Variants in ADAM7 observed in about 807,000 individuals in gnomAD.
The protein encoded by ADAM7 is ADAM metallopeptidase domain 7.
Under a neutral mutation model 102.9 loss-of-function variants are expected in ADAM7, and 97 were observed. The observed-to-expected ratio is 0.94, with a 90% CI of 0.80 to 1.12. ADAM7 has a LOEUF of 1.12. Among genes scored for constraint, ADAM7 ranks in the 50% most tolerant of loss-of-function variants. ADAM7 has a pLI of 0.00. For missense variants in ADAM7, 991 were observed against 908.7 expected (o/e 1.09, Z -1.16); for synonymous variants, 334 against 304.4 (o/e 1.10, Z -1.01).
At position 24,464,847 on chromosome 8, in the gene ADAM7, C is replaced by T. The variant is rs1192679173; in HGVS notation, c.313-852C>T. Among the ~76,000 whole-genome samples, 2 of 115,528 alleles carry T rather than the reference C, an allele frequency of 1.7e-5. 1 individual carries two copies. Among genetic ancestry groups the T allele is most frequent in the Non-Finnish European group, 3.7e-5 (2 of 53,710 alleles). The allele number at this position is 115,528 out of a possible 152,430, so 75.8% of individuals were successfully genotyped here. On this transcript the variant is annotated intron_variant, in intron 4 of 21. Transcript: ENST00000175238. ...ATCTCTCCAGGCTGGAGCGCAGCGG[C>T]ACAATCTCAGCTCACTGCAACCTCC...
chr8:24,477,024 T>C lies in ADAM7; in HGVS notation c.705+520T>C, dbSNP rs147807490. Among the ~76,000 whole-genome samples the C allele has an allele frequency of 4.4e-4, 67 of 152,244 alleles. No homozygotes were observed. In the East Asian group the frequency reaches 0.013, roughly 29 times the overall value. ...CTCATTCTAAGACACCTCAGCCCTA[T>C]TACTAGGATAAAGAGACCCCATAAG... On this transcript the variant is annotated intron_variant, in intron 8 of 21. Coordinates refer to ENST00000175238, the MANE Select transcript of ADAM7 (RefSeq NM_003817.4).
At chr8:24,479,445 A>G (rs1585895062) in intron 8 of ADAM7, among the ~76,000 whole-genome samples, 1 of 152,126 alleles carries the variant, frequency 6.6e-6, no homozygotes, top group East Asian at 1.9e-4. Flanking sequence ...AAAATTTACT[A>G]TAGCTCCCTT....
At chr8:24,447,138 C>T in intron 2 of ADAM7, 48 bp from the exon 3 acceptor site, 1 of 1,134,536 alleles carries the variant, frequency 8.8e-7, no homozygotes, top group Non-Finnish European at 1.3e-6. Context: ...CTCCAGAACA[C>T]ACTAAATGAG....
chr8:24,502,880 T>C (rs1347793788), intron 20 of ADAM7, among the ~76,000 whole-genome samples: 1 of 150,764 alleles, frequency 6.6e-6, no homozygotes, highest in Non-Finnish European at 1.5e-5. Context: ...ATGAGGCCAA[T>C]ATTTCTCTGA....
At chr8:24,443,527 C>T (rs558742107) in intron 2 of ADAM7, among the ~76,000 whole-genome samples, 1 of 152,334 alleles carries the variant, frequency 6.6e-6, no homozygotes, top group African/African-American at 2.4e-5. Context: ...TTTGTCTTGG[C>T]TGAAGATTGG....
At chr8:24,442,033 G>C (rs1357201608) in intron 1 of ADAM7, among the ~76,000 whole-genome samples, 1 of 152,086 alleles carries the variant, frequency 6.6e-6, no homozygotes, top group Non-Finnish European at 1.5e-5. Flanking sequence ...AATTAGCCAG[G>C]CATGGTGGTG....
chr8:24,498,150 A>G (rs1176970913), intron 16 of ADAM7, among the ~76,000 whole-genome samples: 2 of 151,958 alleles, frequency 1.3e-5, no homozygotes, highest in Non-Finnish European at 2.9e-5. Flanking sequence ...AATGATTGCA[A>G]GCAACAAACT....
intron 4 of ADAM7, among the ~76,000 whole-genome samples, chr8:24,465,042 C>T (rs1057118422): frequency 1.3e-5 from 2 of 152,196 alleles, no homozygotes; most frequent in Non-Finnish European, 2.9e-5. Context: ...GCCTTGGCCT[C>T]CCAAAGTGCT....
chr8:24,448,174 G>C (rs1228124422), intron 3 of ADAM7, among the ~76,000 whole-genome samples: 1 of 152,094 alleles, frequency 6.6e-6, no homozygotes, highest in Non-Finnish European at 1.5e-5. Flanking sequence ...ATGTATATGA[G>C]ACAGATATTG....
intron 3 of ADAM7, among the ~76,000 whole-genome samples, chr8:24,450,149 A>G (rs2129374710): frequency 6.6e-6 from 1 of 152,166 alleles, no homozygotes; most frequent in Non-Finnish European, 1.5e-5. Flanking sequence ...TTTTGGTTCC[A>G]TATCAACTTT....
rs1386663569 is a variant in ADAM7 at position 24,459,492 on chromosome 8, T to C, written c.234-4390T>C. 2.0e-5 allele frequency among the ~76,000 whole-genome samples: 3 copies of C among 152,104 alleles called. 1 individual carries two copies. ...TTGTTTTTGAGACAGAGTCCTACTG[T>C]ATTTCCCAGGCTGGAGTGCAGTGGT... On this transcript the variant is annotated intron_variant, in intron 3 of 21. Coordinates refer to ENST00000175238, the MANE Select transcript of ADAM7 (RefSeq NM_003817.4).
At chr8:24,505,692 T>C (rs1447550114) in intron 20 of ADAM7, among the ~76,000 whole-genome samples, 3 of 152,120 alleles carry the variant, frequency 2.0e-5, no homozygotes, top group East Asian at 1.9e-4. Context: ...CCTGCTTCCA[T>C]TGGACCATGC....
At chr8:24,492,248 C>A in intron 14 of ADAM7, 150 bp downstream of exon 14, 1 of 801,960 alleles carries the variant, frequency 1.2e-6, no homozygotes, top group Non-Finnish European at 1.9e-6. Context: ...TATTACCTGT[C>A]ATATTAGTTG....
intron 2 of ADAM7, 123 bp downstream of exon 2, chr8:24,442,699 C>T (rs1818416621): frequency 9.4e-6 from 7 of 741,708 alleles, no homozygotes; most frequent in Admixed American, 4.1e-5. Context: ...GACTCCCATT[C>T]GGCATACACC....
Position 24,509,049 on chromosome 8 carries a change from T to C in ADAM7, c.*503T>C, listed in dbSNP as rs1585944354. 2 of 986,762 alleles carry C rather than the reference T, an allele frequency of 2.0e-6. No individual in the cohort carries two copies. Among genetic ancestry groups the C allele is most frequent in the Admixed American group, 6.1e-5 (1 of 16,372 alleles). 61.1% of individuals were successfully genotyped at this position (986,762 alleles called of 1,614,324 possible). ...AGGCAGGGCAGAGCGGCACGGATTC[T>C]AGGTAATTAAAAGTGAAAGAGGCAG... is the stretch of plus-strand genomic sequence containing the variant. On this transcript the variant is annotated 3_prime_UTR_variant, in exon 22 of 22. Coordinates refer to ENST00000175238, the MANE Select transcript of ADAM7 (RefSeq NM_003817.4).
chr8:24,478,252 C>G (rs34793100), intron 8 of ADAM7, among the ~76,000 whole-genome samples: 7 of 152,144 alleles, frequency 4.6e-5, no homozygotes, highest in Non-Finnish European at 1.0e-4. Flanking sequence ...TGGCAGTCTG[C>G]TGGGGCCATC....
intron 6 of ADAM7, chr8:24,467,526 T>C (rs1216930572): frequency 6.5e-6 from 1 of 154,394 alleles, no homozygotes; most frequent in Non-Finnish European, 1.4e-5. Flanking sequence ...GTAAGCTACT[T>C]GGTTGTTTTT....
chr8:24,467,981 C>G (rs1819484388), intron 6 of ADAM7, among the ~76,000 whole-genome samples: 4 of 152,096 alleles, frequency 2.6e-5, no homozygotes, highest in African/African-American at 9.7e-5. Context: ...AGAAGAATAC[C>G]TTGAACCCAG....
rs1056763669 is a variant in ADAM7 at position 24,454,295 on chromosome 8, G to T, written c.233+7033G>T. Among the ~76,000 whole-genome samples the T allele has an allele frequency of 2.0e-5, 3 of 152,254 alleles. No individual in the cohort carries two copies. The South Asian group carries it at 6.2e-4, about 31-fold the overall frequency. ...GGCAGGCCGGTCTCCTTGAGCTGTG[G>T]TGGGCTCCACCCAGTTCGAGCTTCC... is the stretch of plus-strand genomic sequence containing the variant. On this transcript the variant is annotated intron_variant, in intron 3 of 21. Coordinates refer to ENST00000175238, the MANE Select transcript of ADAM7 (RefSeq NM_003817.4).
Sources: allele counts gnomAD v4.1 joint callset (sites outside exome capture counted in the v4.1 genomes callset), GRCh38; gene constraint gnomAD v4.1.1; transcripts MANE v1.5; gene names NCBI Gene and HGNC (gene_info 2026-07-23, HGNC 2026-07-21).